The following MME variants were observed in gnomAD, a reference collection of about 807,000 sequenced individuals.
MME encodes membrane metalloendopeptidase, also known as neprilysin.
A neutral mutation model predicts 113.2 loss-of-function variants in MME; 98 were observed. The observed-to-expected ratio is 0.87, with a 90% CI of 0.74 to 1.02. MME has a LOEUF of 1.02. Among genes scored for constraint, MME ranks in the 50% least tolerant of loss-of-function variants. The pLI, the probability that MME is intolerant of heterozygous loss-of-function variation, is 0.00. For missense variants in MME, 836 were observed against 896.0 expected, an observed-to-expected ratio of 0.93 and a Z score of 0.86; for synonymous variants, 292 against 300.6, an observed-to-expected ratio of 0.97 and a Z score of 0.30.
chr3:155,118,686 T>A, intron 7 of MME, 60 bp from the exon 8 acceptor site: 1 of 1,124,656 alleles, frequency 8.9e-7, no homozygotes, highest in African/African-American at 1.5e-5. Flanking sequence ...ATGCTTGTAT[T>A]TTTCAAACTT....
chr3:155,178,554 A>G (rs1360383505), intron 22 of MME, among the ~76,000 whole-genome samples: 1 of 152,118 alleles, frequency 6.6e-6, no homozygotes, highest in African/African-American at 2.4e-5. Context: ...TTCAGTATGT[A>G]CTGAGTCCTG....
At chr3:155,170,953 T>G (rs1387087309) in intron 20 of MME, among the ~76,000 whole-genome samples, 2 of 152,184 alleles carry the variant, frequency 1.3e-5, no homozygotes, top group South Asian at 4.1e-4. Flanking sequence ...TTTTAAATAT[T>G]TTGTTCATCA....
At chr3:155,038,296 C>G (rs1213735491) in intron 1 of MME, among the ~76,000 whole-genome samples, 5 of 152,142 alleles carry the variant, frequency 3.3e-5, no homozygotes, top group Non-Finnish European at 7.3e-5. Flanking sequence ...TCAGCTGCCT[C>G]TCTGAAGACC....
At chr3:155,104,193 G>A (rs931950132) in intron 3 of MME, among the ~76,000 whole-genome samples, 1 of 152,088 alleles carries the variant, frequency 6.6e-6, no homozygotes, top group Non-Finnish European at 1.5e-5. Context: ...TAAGAGTGTC[G>A]GGTATATAGA....
At chr3:155,152,293 A>G (rs1334873738) in intron 16 of MME, among the ~76,000 whole-genome samples, 1 of 152,162 alleles carries the variant, frequency 6.6e-6, no homozygotes, top group East Asian at 1.9e-4. Context: ...CCTTCCTCAC[A>G]GCACCCCATT....
chr3:155,156,649 G>A (rs1434248072), intron 16 of MME, among the ~76,000 whole-genome samples: 1 of 152,108 alleles, frequency 6.6e-6, no homozygotes, highest in African/African-American at 2.4e-5. Context: ...AAACTTCGAA[G>A]TCTTGATGAG....
chr3:155,058,687 A>G (rs1340903233), intron 1 of MME, among the ~76,000 whole-genome samples: 2 of 152,224 alleles, frequency 1.3e-5, no homozygotes, highest in Non-Finnish European at 2.9e-5. Context: ...CTGACTCTCA[A>G]ATGAACAAAG....
At position 155,147,164 on chromosome 3, in the gene MME, G is replaced by T. The variant is rs1280781567; in HGVS notation, c.1437G>T (p.Arg479Ser). 2 of 1,605,200 alleles carry T rather than the reference G, an allele frequency of 1.2e-6. No homozygotes were observed. Among genetic ancestry groups the T allele is most frequent in the African/African-American group, 1.3e-5 (1 of 74,700 alleles). The part of the protein sequence containing the change: ...AEEKALAIKE[R>S]IGYPDDIVSN... ...CATAGGCCTTAGCAATTAAAGAAAG[G>T]ATCGGCTATCCTGATGACATTGTTT... The change falls in exon 15 of 23, where the codon AGG becomes AGT. Residue 479 changes from arginine to serine, a missense_variant. Transcript: ENST00000360490.
At position 155,143,444 on chromosome 3, in the gene MME, C is replaced by G; in HGVS notation, c.1190C>G (p.Ala397Gly). 6.2e-7 allele frequency: 1 copy of G among 1,611,772 alleles called. No homozygotes were observed. Among genetic ancestry groups the G allele is most frequent in the Non-Finnish European group, 8.5e-7 (1 of 1,178,326 alleles). ...CCATTTCCTTTTTCTTTTCCGTAGG[C>G]CCTTTATGGTACAACCTCAGAAACA... ...YKESRNAFRKALYGTTSETAT... is the reference protein window; with the variant it reads ...YKESRNAFRKGLYGTTSETAT... Residue 397 changes from alanine to glycine, a missense_variant and splice_region_variant, in exon 13 of 23, where the codon GCC (alanine) becomes GGC (glycine). Transcript: ENST00000360490.
intron 8 of MME, among the ~76,000 whole-genome samples, chr3:155,121,450 T>C (rs932704617): frequency 2.0e-5 from 3 of 150,204 alleles, no homozygotes; most frequent in African/African-American, 4.9e-5. Flanking sequence ...CTTCCAACAC[T>C]ATGTTGAATA....
chr3:155,084,065 G>A, intron 1 of MME, 93 bp from the exon 2 acceptor site: 2 of 1,146,344 alleles, frequency 1.7e-6, no homozygotes, highest in Non-Finnish European at 2.6e-6. Flanking sequence ...TAAAATAACT[G>A]AGCCTTTTAC....
intron 3 of MME, among the ~76,000 whole-genome samples, chr3:155,104,299 A>G (rs4273336): frequency 0.17 from 25,653 of 152,052 alleles, 2,875 homozygotes; most frequent in Non-Finnish European, 0.25. Context: ...ATTTAACATA[A>G]TCTTCTGGAT....
At chr3:155,126,408 CT>C (rs11340092) in intron 8 of MME, among the ~76,000 whole-genome samples, 68,321 of 147,988 alleles carry the variant, frequency 0.46, 15,932 homozygotes, top group African/African-American at 0.57. Context: ...GCAGTAAAAG[CT>C]TTTTTTTTTT....
chr3:155,024,572 G>A (rs1431388577), intron 1 of MME, among the ~76,000 whole-genome samples: 1 of 152,078 alleles, frequency 6.6e-6, no homozygotes, highest in Non-Finnish European at 1.5e-5. Context: ...ATAAAGGAGG[G>A]GAGTAATGCC....
At chr3:155,102,441 T>A (rs1717334547) in intron 3 of MME, among the ~76,000 whole-genome samples, 1 of 152,204 alleles carries the variant, frequency 6.6e-6, no homozygotes, top group South Asian at 2.1e-4. Context: ...ACCGATCTGA[T>A]AACTCATTGC....
intron 8 of MME, among the ~76,000 whole-genome samples, chr3:155,131,541 G>A (rs576376098): frequency 5.3e-5 from 8 of 152,238 alleles, no homozygotes; most frequent in African/African-American, 1.9e-4. Context: ...GAGAATTTTT[G>A]AGATCAACTG....
intron 14 of MME, among the ~76,000 whole-genome samples, chr3:155,145,510 A>T (rs1318892201): frequency 6.6e-6 from 1 of 152,032 alleles, no homozygotes; most frequent in Non-Finnish European, 1.5e-5. Flanking sequence ...GGTTGGGGGC[A>T]GGGGGGCAGA....
At chr3:155,108,484 T>C (rs1717884344) in intron 3 of MME, among the ~76,000 whole-genome samples, 1 of 151,624 alleles carries the variant, frequency 6.6e-6, no homozygotes, top group South Asian at 2.1e-4. Context: ...TAATCCCAGC[T>C]ACTTGGGAGG....
At chr3:155,113,332 T>G (rs1207306426) in intron 3 of MME, among the ~76,000 whole-genome samples, 1 of 152,170 alleles carries the variant, frequency 6.6e-6, no homozygotes, top group Non-Finnish European at 1.5e-5. Flanking sequence ...CAGGCTGGAG[T>G]GCAGTGGCGC....
Sources: allele counts gnomAD v4.1 joint callset (sites outside exome capture counted in the v4.1 genomes callset), GRCh38; gene constraint gnomAD v4.1.1; transcripts MANE v1.5; gene names NCBI Gene and HGNC (gene_info 2026-07-23, HGNC 2026-07-21).